SELE: variants seen among roughly 807,000 people sequenced by gnomAD.
SELE encodes the protein E-selectin.
Under a neutral mutation model 75.8 loss-of-function variants are expected in SELE, and 52 were observed. The ratio of observed to expected loss-of-function variants is 0.69; its 90% CI spans 0.55 to 0.86. The LOEUF (loss-of-function observed/expected upper bound fraction) is 0.86. Among genes scored for constraint, SELE ranks in the 40% least tolerant of loss-of-function variants. The probability of loss-of-function intolerance (pLI) is 0.00; values close to 1 mark genes in which losing one functional copy is unlikely to be tolerated. For missense variants in SELE, 754 were observed against 732.7 expected (o/e 1.03, Z -0.34); for synonymous variants, 285 against 258.7 (o/e 1.10, Z -0.98).
In SELE at chr1:169,727,463, C is replaced by G; in HGVS notation, c.1531G>C (p.Val511Leu). Reference sequence around the variant, plus strand: ...GCGAACTTGCACACAGTGCCAAACACGGGCTCCCCACTGCAGCTCATGTTG... The same window carrying G: ...GCGAACTTGCACACAGTGCCAAACAGGGGCTCCCCACTGCAGCTCATGTTG... ...KINMSCSGEP[V>L]FGTVCKFACP... is the part of the protein sequence containing the mutation. The change falls in exon 10 of 14, where the codon GTG (valine) becomes CTG (leucine). Residue 511 changes from valine to leucine, a missense_variant. Transcript: ENST00000333360. 1 of 1,614,154 alleles carries G rather than the reference C, an allele frequency of 6.2e-7. No homozygotes were observed. Among genetic ancestry groups the G allele is most frequent in the African/African-American group, 1.3e-5 (1 of 75,056 alleles).
chr1:169,727,915 T>C lies in SELE; in HGVS notation c.1292A>G (p.Asp431Gly), dbSNP rs1648816109. The change falls in exon 9 of 14, where the codon GAT (aspartate) becomes GGT (glycine). Residue 431 changes from aspartate to glycine, a missense_variant. Coordinates refer to ENST00000333360, the MANE Select transcript of SELE (RefSeq NM_000450.2). ...EKPTCEAVRC[D>G]AVHQPPKGLV... ...ACCCTTCGGGGGCTGGTGGACAGCATCGCATCTCACAGCTGGAACACACGA... is the reference window on the plus strand; with the variant it reads ...ACCCTTCGGGGGCTGGTGGACAGCACCGCATCTCACAGCTGGAACACACGA... 6.2e-7 allele frequency: 1 copy of C among 1,613,494 alleles called. No individual in the cohort carries two copies. Among genetic ancestry groups the C allele is most frequent in the Non-Finnish European group, 8.5e-7 (1 of 1,179,732 alleles).
intron 3 of SELE, 40 bp from the exon 4 acceptor site, chr1:169,731,982 G>T (rs779593431): frequency 1.5e-6 from 2 of 1,305,014 alleles, no homozygotes; most frequent in Non-Finnish European, 2.2e-6. Flanking sequence ...GACTATTACT[G>T]TGCTTATACT....
At chr1:169,731,143 T>C (rs546349593) in intron 4 of SELE, among the ~76,000 whole-genome samples, 1 of 152,284 alleles carries the variant, frequency 6.6e-6, no homozygotes, top group South Asian at 2.1e-4. Context: ...TGAAATCAAA[T>C]AACATTTAAA....
In SELE at chr1:169,732,755, G is replaced by T. The variant is rs753164405; in HGVS notation, c.281C>A (p.Ala94Asp). 6.2e-7 allele frequency: 1 copy of T among 1,614,026 alleles called. No individual in the cohort carries two copies. Among genetic ancestry groups the T allele is most frequent in the Non-Finnish European group, 8.5e-7 (1 of 1,179,988 alleles). Residue 94 changes from alanine to aspartate, a missense_variant, in exon 3 of 14, where the codon GCC (alanine) becomes GAC (aspartate). By Grantham distance (126) the Ala-to-Asp change is moderately radical. Transcript: ENST00000333360. ...VGTQKPLTEE[A>D]KNWAPGEPNN... Reference sequence around the variant, plus strand: ...GGGTTCACCTGGAGCCCAGTTCTTGGCTTCTTCTGTCAGAGGTTTCTGGGT... The same window carrying T: ...GGGTTCACCTGGAGCCCAGTTCTTGTCTTCTTCTGTCAGAGGTTTCTGGGT...
chr1:169,732,473 CAA>C, intron 3 of SELE, 140 bp downstream of exon 3: 1 of 1,000,192 alleles, frequency 1.0e-6, no homozygotes, highest in Non-Finnish European at 1.4e-6. Flanking sequence ...CACAAAACAG[CAA>C]AAGAGAGAAA....
chr1:169,733,729 T>C, intron 1 of SELE, 69 bp from the exon 2 acceptor site: 1 of 1,026,858 alleles, frequency 9.7e-7, no homozygotes, highest in Non-Finnish European at 1.5e-6. Flanking sequence ...TATTCTACCA[T>C]GATGTTTAAG....
In SELE at chr1:169,727,843, G is replaced by A. The variant is rs780092923; in HGVS notation, c.1364C>T (p.Ser455Phe). 1 of 1,614,136 alleles carries A rather than the reference G, an allele frequency of 6.2e-7. No individual in the cohort carries two copies. Among genetic ancestry groups the A allele is most frequent in the Non-Finnish European group, 8.5e-7 (1 of 1,179,978 alleles). ...CTCCTCACAGCTGAAGGCACAAGAG[G>A]ACTTGTAGGTGAATTCTCCAATAGG... ...HSPIGEFTYKSSCAFSCEEGF... is the reference protein window; with the variant it reads ...HSPIGEFTYKFSCAFSCEEGF... The change falls in exon 9 of 14, where the codon TCC becomes TTC. Residue 455 changes from serine (S) to phenylalanine (F), a missense_variant. Ser to Phe is a radical substitution (Grantham distance 155, BLOSUM62 -2). Coordinates refer to ENST00000333360, the MANE Select transcript of SELE (RefSeq NM_000450.2).
Position 169,731,822 on chromosome 1 carries a change from G to A in SELE, c.529+13C>T. 1 of 1,583,722 alleles carries A rather than the reference G, an allele frequency of 6.3e-7. No individual in the cohort carries two copies. Among genetic ancestry groups the A allele is most frequent in the Non-Finnish European group, 8.7e-7 (1 of 1,152,658 alleles). On this transcript the variant is annotated intron_variant, in intron 4 of 13. Coordinates refer to ENST00000333360, the MANE Select transcript of SELE (RefSeq NM_000450.2). ...CCATCTCAAGTGAAGAAAGAGGCAA[G>A]AACCAGACTTACTTTGCTCACACTT...
Position 169,727,798 on chromosome 1 carries a change from G to T in SELE, c.1409C>A (p.Ser470Ter), listed in dbSNP as rs757843655. 2.5e-6 allele frequency: 4 copies of T among 1,614,166 alleles called. No individual in the cohort carries two copies. The highest frequency in any genetic ancestry group is 1.7e-4 in the Middle Eastern group (1 of 6,060). ...SCEEGFELHG[S>*]TQLECTSQGQ... ...CTGAGATGTGCACTCAAGTTGAGTTGATCCATGTAATTCAAATCCCTCCTC... is the reference window on the plus strand; with the variant it reads ...CTGAGATGTGCACTCAAGTTGAGTTTATCCATGTAATTCAAATCCCTCCTC... Residue 470 changes from serine to a stop codon, truncating the protein, a stop_gained, in exon 9 of 14, where the codon TCA becomes TAA. Coordinates refer to ENST00000333360, the MANE Select transcript of SELE (RefSeq NM_000450.2). LOFTEE classifies it high-confidence loss of function.
At position 169,725,794 on chromosome 1, in the gene SELE, G is replaced by C. The variant is rs201045157; in HGVS notation, c.1783C>G (p.Gln595Glu). Reference protein sequence around the residue: ...AKKFVPASSCQSLESDGSYQK... With the variant: ...AKKFVPASSCESLESDGSYQK... ...TAGCTTCCATCTGATTCAAGGCTTT[G>C]GCAGCTGCTGTGGAATACATGAGAA... Residue 595 changes from glutamine (Q) to glutamate (E), a missense_variant, in exon 13 of 14, where the codon CAA becomes GAA. Transcript: ENST00000333360. The C allele has an allele frequency of 1.2e-4, 198 of 1,613,896 alleles. No individual in the cohort carries two copies. The highest frequency in any genetic ancestry group is 4.5e-4 in the Admixed American group (27 of 59,996).
intron 2 of SELE, among the ~76,000 whole-genome samples, 173 bp downstream of exon 2, chr1:169,733,403 C>T (rs1436219699): frequency 1.3e-5 from 2 of 152,160 alleles, no homozygotes; most frequent in East Asian, 3.9e-4. Context: ...GAAAGGGAGA[C>T]ACCAAGAGGT....
chr1:169,726,927 T>G, intron 10 of SELE, 121 bp from the exon 11 acceptor site: 1 of 686,944 alleles, frequency 1.5e-6, no homozygotes, highest in Non-Finnish European at 2.5e-6. Flanking sequence ...CTATCTAGTT[T>G]AATACAAGAA....
Position 169,726,031 on chromosome 1 carries a change from T to A in SELE, c.1754-103A>T, listed in dbSNP as rs1648755187. On this transcript the variant is annotated intron_variant, in intron 11 of 13. Coordinates refer to ENST00000333360, the MANE Select transcript of SELE (RefSeq NM_000450.2). ...ACTTAATTCATCAAGTGTTGCAAAC[T>A]CGATGCTTCAGGGCCTCTGTAATAA... The A allele has an allele frequency of 3.7e-6, 5 of 1,339,124 alleles. No individual in the cohort carries two copies. The South Asian group carries it at 4.9e-5, about 13-fold the overall frequency. 83.0% of individuals were successfully genotyped at this position (1,339,124 alleles called of 1,614,324 possible).
At chr1:169,730,062 A>G (rs1027974281) in intron 5 of SELE, among the ~76,000 whole-genome samples, 1 of 152,172 alleles carries the variant, frequency 6.6e-6, no homozygotes, top group Non-Finnish European at 1.5e-5. Flanking sequence ...GATAAAATTA[A>G]GAGAGAAAAA....
At position 169,728,168 on chromosome 1, in the gene SELE, T is replaced by C; in HGVS notation, c.1169A>G (p.Tyr390Cys). The change falls in exon 8 of 14, where the codon TAT (tyrosine) becomes TGT (cysteine). Residue 390 changes from tyrosine to cysteine, a missense_variant. Coordinates refer to ENST00000333360, the MANE Select transcript of SELE (RefSeq NM_000450.2). ...ACAGGAGAACTCACAGCTGGACCCA[T>C]AACGGAAACTGCCAGAAGCACTAGG... ...CLPSASGSFR[Y>C]GSSCEFSCEQ... is the part of the protein sequence containing the mutation. The C allele has an allele frequency of 1.9e-6, 3 of 1,614,154 alleles. No individual in the cohort carries two copies. The highest frequency in any genetic ancestry group is 2.5e-6 in the Non-Finnish European group (3 of 1,180,010).
chr1:169,729,123 A>G lies in SELE; in HGVS notation c.1090+63T>C, dbSNP rs1571145272. On this transcript the variant is annotated intron_variant, in intron 7 of 13. Transcript: ENST00000333360. ...AAAGTGGGTATTGGTTTTTTTTTTC[A>G]CTGTCCAAGTTTGAAGATGGTTGTT... The G allele has an allele frequency of 8.4e-6, 12 of 1,431,670 alleles. No individual in the cohort carries two copies. In the East Asian group the frequency reaches 2.4e-4, roughly 28 times the overall value. 88.7% of individuals were successfully genotyped at this position (1,431,670 alleles called of 1,614,324 possible).
At position 169,731,919 on chromosome 1, in the gene SELE, T is replaced by A. The variant is rs5361; in HGVS notation, c.445A>T (p.Ser149Cys). Reference protein sequence around the residue: ...YTAACTNTSCSGHGECVETIN... With the variant: ...YTAACTNTSCCGHGECVETIN... ...GTCTCTACACATTCACCGTGGCCAC[T>A]GCAGGATGTATTGGTACAGGCAGCT... Residue 149 changes from serine (S) to cysteine (C), a missense_variant, in exon 4 of 14, where the codon AGT becomes TGT. Physicochemically the swap from Ser to Cys is moderately radical, Grantham distance 112. Coordinates refer to ENST00000333360, the MANE Select transcript of SELE (RefSeq NM_000450.2). 3 of 1,612,962 alleles carry A rather than the reference T, an allele frequency of 1.9e-6. No homozygotes were observed. Among genetic ancestry groups the A allele is most frequent in the Non-Finnish European group, 2.5e-6 (3 of 1,179,082 alleles).
intron 11 of SELE, 46 bp downstream of exon 11, chr1:169,726,653 T>A (rs762612130): frequency 1.6e-6 from 2 of 1,290,208 alleles, no homozygotes; most frequent in Middle Eastern, 1.8e-4. Flanking sequence ...GAGAAAGAAA[T>A]GTATTTTCAA....
chr1:169,733,089 A>C, intron 2 of SELE, 91 bp from the exon 3 acceptor site: 3 of 1,326,246 alleles, frequency 2.3e-6, no homozygotes, highest in Non-Finnish European at 3.0e-6. Context: ...TATTTTTGGC[A>C]ATGTTTGTGA....
Sources: gnomAD v4.1 joint callset for allele counts (sites outside exome capture counted in the v4.1 genomes callset) on GRCh38, gnomAD v4.1.1 for gene constraint, MANE v1.5 for transcripts, NCBI Gene and HGNC (gene_info 2026-07-23, HGNC 2026-07-21) for gene names.